The following KCNQ5 variants were observed in gnomAD, a reference collection of about 807,000 sequenced individuals.
KCNQ5 encodes potassium voltage-gated channel subfamily KQT member 5.
A neutral mutation model predicts 98.2 loss-of-function variants in KCNQ5; 30 were observed. The observed-to-expected ratio is 0.31, with a 90% CI of 0.23 to 0.41. The LOEUF (loss-of-function observed/expected upper bound fraction) is 0.41. KCNQ5 is among the 10% of genes least tolerant of loss of function. The pLI, the probability that KCNQ5 is intolerant of heterozygous loss-of-function variation, is 1.00. For synonymous variants in KCNQ5, 458 were observed against 449.4 expected (o/e 1.02, Z -0.24); for missense variants, 835 against 1,182.5 (o/e 0.71, Z 4.31).
intron 1 of KCNQ5, among the ~76,000 whole-genome samples, chr6:72,702,277 A>C (rs1192340665): frequency 2.0e-5 from 3 of 152,204 alleles, no homozygotes; most frequent in Non-Finnish European, 2.9e-5. Flanking sequence ...GAGCAAAGAT[A>C]AAATACTAAC....
chr6:72,670,603 C>A (rs1767054001), intron 1 of KCNQ5, among the ~76,000 whole-genome samples: 2 of 152,154 alleles, frequency 1.3e-5, no homozygotes, highest in South Asian at 4.1e-4. Flanking sequence ...ACTTAAACGA[C>A]ATGAATTTAT....
chr6:72,838,528 AG>A (rs1776616442), intron 1 of KCNQ5, among the ~76,000 whole-genome samples: 1 of 152,220 alleles, frequency 6.6e-6, no homozygotes, highest in African/African-American at 2.4e-5. Flanking sequence ...TATAACCTAA[AG>A]AAACACCAAC....
chr6:72,943,500 C>G (rs1295312806), intron 1 of KCNQ5, among the ~76,000 whole-genome samples: 1 of 152,168 alleles, frequency 6.6e-6, no homozygotes, highest in Admixed American at 6.5e-5. Flanking sequence ...AACACCTGTA[C>G]TTATTCATCA....
At chr6:73,166,644 T>C (rs1777812475) in intron 10 of KCNQ5, among the ~76,000 whole-genome samples, 1 of 152,086 alleles carries the variant, frequency 6.6e-6, no homozygotes, top group Non-Finnish European at 1.5e-5. Context: ...ACAAATCAGG[T>C]GGCTTGAAAG....
chr6:73,085,219 G>T (rs1040030534), intron 5 of KCNQ5, among the ~76,000 whole-genome samples: 5 of 152,146 alleles, frequency 3.3e-5, no homozygotes, highest in Non-Finnish European at 7.4e-5. Context: ...TCTTTTTATT[G>T]TAAGCACATC....
intron 1 of KCNQ5, among the ~76,000 whole-genome samples, chr6:72,896,536 G>C (rs1431716912): frequency 6.6e-6 from 1 of 152,118 alleles, no homozygotes; most frequent in Middle Eastern, 3.2e-3. Context: ...CGGAGATTCA[G>C]AGTCAGAAGG....
chr6:72,854,243 G>A (rs1477995808), intron 1 of KCNQ5, among the ~76,000 whole-genome samples: 1 of 148,658 alleles, frequency 6.7e-6, no homozygotes, highest in Non-Finnish European at 1.5e-5. Context: ...TAGAAAAGGG[G>A]GGAAATAGAT....
chr6:72,817,601 T>A (rs984649581), intron 1 of KCNQ5, among the ~76,000 whole-genome samples: 1 of 152,104 alleles, frequency 6.6e-6, no homozygotes, highest in South Asian at 2.1e-4. Context: ...TTTATAATTG[T>A]AGAAACTGAG....
At chr6:73,084,727 A>G (rs1277008171) in intron 5 of KCNQ5, among the ~76,000 whole-genome samples, 2 of 152,322 alleles carry the variant, frequency 1.3e-5, no homozygotes, top group East Asian at 3.9e-4. Context: ...TCTCTGAAAC[A>G]TGCTGCTATT....
chr6:72,846,114 T>C (rs1486648928), intron 1 of KCNQ5, among the ~76,000 whole-genome samples: 1 of 152,180 alleles, frequency 6.6e-6, no homozygotes, highest in African/African-American at 2.4e-5. Context: ...GTCCCAAGAA[T>C]GAATGCAAAC....
At chr6:73,003,577 T>C (rs528248419) in intron 1 of KCNQ5, among the ~76,000 whole-genome samples, 1 of 152,118 alleles carries the variant, frequency 6.6e-6, no homozygotes, top group Non-Finnish European at 1.5e-5. Flanking sequence ...AAGAACATAC[T>C]TTCTGGGCCT....
chr6:73,074,307 C>A (rs1170875445), intron 3 of KCNQ5, among the ~76,000 whole-genome samples: 2 of 152,132 alleles, frequency 1.3e-5, no homozygotes, highest in South Asian at 4.2e-4. Context: ...GTACTGACAG[C>A]AAAATTCCAG....
chr6:73,066,550 G>A (rs1773066982), intron 3 of KCNQ5, among the ~76,000 whole-genome samples: 1 of 152,164 alleles, frequency 6.6e-6, no homozygotes, highest in South Asian at 2.1e-4. Flanking sequence ...CTTAATTTGA[G>A]AAAAGTCATA....
intron 1 of KCNQ5, among the ~76,000 whole-genome samples, chr6:72,724,586 C>T (rs1338903224): frequency 6.6e-6 from 1 of 152,182 alleles, no homozygotes. Flanking sequence ...TGAACTTACA[C>T]ACACACACCA....
chr6:72,984,482 T>C (rs1768645353), intron 1 of KCNQ5, among the ~76,000 whole-genome samples: 1 of 152,200 alleles, frequency 6.6e-6, no homozygotes. Context: ...GTGCTAGCAG[T>C]GAGCAAGGCT....
intron 1 of KCNQ5, among the ~76,000 whole-genome samples, chr6:72,651,643 C>T (rs932023785): frequency 3.3e-5 from 5 of 152,020 alleles, no homozygotes; most frequent in African/African-American, 1.2e-4. Flanking sequence ...AATGAAAACA[C>T]TCTAATTTTG....
chr6:72,899,815 C>G (rs1267474144), intron 1 of KCNQ5, among the ~76,000 whole-genome samples: 1 of 151,892 alleles, frequency 6.6e-6, no homozygotes, highest in Non-Finnish European at 1.5e-5. Context: ...CACCCTTCAC[C>G]CCAAGTCCCC....
intron 1 of KCNQ5, among the ~76,000 whole-genome samples, chr6:72,718,569 G>A (rs1769777342): frequency 6.8e-6 from 1 of 146,596 alleles, no homozygotes; most frequent in Non-Finnish European, 1.5e-5. Flanking sequence ...TCCTGCCTCA[G>A]CCTCCCGAGT....
At chr6:73,133,164 G>A (rs1045311657) in intron 9 of KCNQ5, among the ~76,000 whole-genome samples, 3 of 151,714 alleles carry the variant, frequency 2.0e-5, no homozygotes, top group Non-Finnish European at 4.4e-5. Context: ...ACAAAATGCT[G>A]TATGACCTCA....
Sources: allele counts gnomAD v4.1 joint callset (sites outside exome capture counted in the v4.1 genomes callset), GRCh38; gene constraint gnomAD v4.1.1; transcripts MANE v1.5; gene names NCBI Gene and HGNC (gene_info 2026-07-23, HGNC 2026-07-21).